Variants in RERG observed in about 807,000 individuals in gnomAD.
RERG encodes the protein RAS like estrogen regulated growth inhibitor, also known as ras-related and estrogen-regulated growth inhibitor.
RERG carries 25 observed loss-of-function variants against 23.2 expected under a neutral mutation model. The ratio of observed to expected loss-of-function variants is 1.08; its 90% CI spans 0.79 to 1.50. The LOEUF is 1.50. Among genes scored for constraint, RERG ranks in the 40% most tolerant of loss-of-function variants. The pLI, the probability that RERG is intolerant of heterozygous loss-of-function variation, is 0.00. For missense variants in RERG, 253 were observed against 250.1 expected, an observed-to-expected ratio of 1.01 and a Z score of -0.08; for synonymous variants, 81 against 89.1, an observed-to-expected ratio of 0.91 and a Z score of 0.51.
At chr12:15,188,964 A>G (rs1381722510) in intron 2 of RERG, among the ~76,000 whole-genome samples, 1 of 152,106 alleles carries the variant, frequency 6.6e-6, no homozygotes, top group Non-Finnish European at 1.5e-5. Flanking sequence ...GTCACCAAAA[A>G]ACACAAGGTG....
chr12:15,179,296 C>A (rs1244185796), intron 2 of RERG, among the ~76,000 whole-genome samples: 1 of 152,138 alleles, frequency 6.6e-6, no homozygotes, highest in African/African-American at 2.4e-5. Flanking sequence ...TCACTTTCTG[C>A]AATCTCAAAA....
intron 2 of RERG, among the ~76,000 whole-genome samples, chr12:15,173,409 C>T (rs1864803027): frequency 6.6e-6 from 1 of 151,826 alleles, no homozygotes; most frequent in Admixed American, 6.6e-5. Context: ...ATATGAGTGT[C>T]CAAGTTTGTT....
chr12:15,150,774 A>G (rs7131767), intron 2 of RERG, among the ~76,000 whole-genome samples: 65,938 of 151,984 alleles, frequency 0.43, 14,690 homozygotes, highest in Admixed American at 0.52. Flanking sequence ...CTGTTAAACA[A>G]CAGTTATTAC....
At position 15,202,720 on chromosome 12, in the gene RERG, C is replaced by T. The variant is rs1480731811; in HGVS notation, c.61+14709G>A. ...GGTCAGTAGGGACATGTGAATCATT[C>T]CCATAGCTTGGCTATTCTGAATAAT... is the stretch of plus-strand genomic sequence containing the variant. On this transcript the variant is annotated intron_variant, in intron 2 of 4. Transcript: ENST00000256953. Among the ~76,000 whole-genome samples the T allele has an allele frequency of 2.6e-5, 4 of 151,652 alleles. No homozygotes were observed. The South Asian group carries it at 6.2e-4, about 24-fold the overall frequency.
At position 15,217,587 on chromosome 12, in the gene RERG, T is replaced by C. The variant is rs971511891; in HGVS notation, c.-98A>G. 108 of 862,052 alleles carry C rather than the reference T, an allele frequency of 1.3e-4. 1 individual carries two copies. The Admixed American group carries it at 1.9e-3, about 15-fold the overall frequency. The allele number at this position is 862,052 out of a possible 1,614,324, so 53.4% of individuals were successfully genotyped here. ...GGATTCACCATATCATTGTGAATCTTGGAAGAGTCCACAATCCTTAAACAA... is the reference window on the plus strand; with the variant it reads ...GGATTCACCATATCATTGTGAATCTCGGAAGAGTCCACAATCCTTAAACAA... On this transcript the variant is annotated 5_prime_UTR_variant, in exon 2 of 5. Transcript: ENST00000256953.
chr12:15,128,388 T>C (rs1863985607), intron 2 of RERG, among the ~76,000 whole-genome samples: 2 of 152,194 alleles, frequency 1.3e-5, no homozygotes, highest in Non-Finnish European at 2.9e-5. Context: ...GCAAATGTTT[T>C]CTTATGAGTT....
chr12:15,202,294 G>C (rs1305328515), intron 2 of RERG, among the ~76,000 whole-genome samples: 1 of 151,696 alleles, frequency 6.6e-6, no homozygotes, highest in Non-Finnish European at 1.5e-5. Context: ...CTGTGTGTAT[G>C]TTAAGAACAC....
chr12:15,215,054 T>C (rs1865421699), intron 2 of RERG, among the ~76,000 whole-genome samples: 1 of 152,230 alleles, frequency 6.6e-6, no homozygotes, highest in Non-Finnish European at 1.5e-5. Context: ...TTGTTAAAGA[T>C]ATGTAGTCTG....
intron 2 of RERG, among the ~76,000 whole-genome samples, chr12:15,192,898 G>C (rs143573141): frequency 5.3e-4 from 81 of 152,260 alleles, no homozygotes; most frequent in Middle Eastern, 3.4e-3. Context: ...GAGAAGTGAC[G>C]TGCCCTTCTC....
At chr12:15,150,451 G>A (rs1412681397) in intron 2 of RERG, among the ~76,000 whole-genome samples, 5 of 152,160 alleles carry the variant, frequency 3.3e-5, no homozygotes, top group African/African-American at 1.2e-4. Flanking sequence ...ACCTGAAACA[G>A]GGATAAAGAA....
intron 2 of RERG, among the ~76,000 whole-genome samples, chr12:15,181,504 C>T (rs1168246019): frequency 6.6e-6 from 1 of 152,272 alleles, no homozygotes; most frequent in African/African-American, 2.4e-5. Flanking sequence ...GTTTCAAATC[C>T]TGGCCCTGCC....
chr12:15,200,872 T>C (rs1237656706), intron 2 of RERG, among the ~76,000 whole-genome samples: 1 of 151,944 alleles, frequency 6.6e-6, no homozygotes, highest in Non-Finnish European at 1.5e-5. Context: ...CCCTTTCCAC[T>C]GAGGATATTT....
chr12:15,218,389 A>T (rs561338003), intron 1 of RERG, among the ~76,000 whole-genome samples: 1 of 152,062 alleles, frequency 6.6e-6, no homozygotes, highest in Non-Finnish European at 1.5e-5. Context: ...GGAAACGTAA[A>T]TTTGGAAAGA....
At chr12:15,192,821 G>T (rs1278704542) in intron 2 of RERG, among the ~76,000 whole-genome samples, 2 of 152,146 alleles carry the variant, frequency 1.3e-5, no homozygotes, top group Non-Finnish European at 2.9e-5. Flanking sequence ...TTTGCAGAGT[G>T]TCTTTGATTT....
intron 2 of RERG, among the ~76,000 whole-genome samples, chr12:15,182,157 C>A (rs1864933082): frequency 6.7e-6 from 1 of 150,260 alleles, no homozygotes; most frequent in Non-Finnish European, 1.5e-5. Flanking sequence ...CTCTTAGGAT[C>A]AAGCAATTCC....
chr12:15,134,570 T>C (rs1864111307), intron 2 of RERG, among the ~76,000 whole-genome samples: 1 of 152,046 alleles, frequency 6.6e-6, no homozygotes, highest in Non-Finnish European at 1.5e-5. Context: ...TATTGTGTTA[T>C]CTATTCTGGA....
At position 15,191,985 on chromosome 12, in the gene RERG, T is replaced by A. The variant is rs1016033197; in HGVS notation, c.61+25444A>T. Among the ~76,000 whole-genome samples the A allele has an allele frequency of 5.5e-4, 83 of 152,074 alleles. 1 individual carries two copies. Among genetic ancestry groups the A allele is most frequent in the African/African-American group, 1.9e-3 (78 of 41,416 alleles). On this transcript the variant is annotated intron_variant, in intron 2 of 4. Coordinates refer to ENST00000256953, the MANE Select transcript of RERG (RefSeq NM_032918.3). ...ATGCCAAGTATCATGGTAAGCACTA[T>A]CTTGTCATTGTCCTGGATGCCTAAT...
intron 2 of RERG, among the ~76,000 whole-genome samples, chr12:15,125,951 T>G (rs1315888876): frequency 5.3e-5 from 8 of 151,396 alleles, no homozygotes; most frequent in African/African-American, 1.7e-4. Flanking sequence ...AAACTGAAGC[T>G]CAAGTTGTTT....
At position 15,129,425 on chromosome 12, in the gene RERG, C is replaced by A. The variant is rs547831866; in HGVS notation, c.62-8306G>T. ...ATGCAATAATTTTCAAATGCTTATC[C>A]ATTTTGATCTCCTATCAAATCTATC... On this transcript the variant is annotated intron_variant, in intron 2 of 4. Transcript: ENST00000256953. 4.6e-5 allele frequency among the ~76,000 whole-genome samples: 7 copies of A among 152,192 alleles called. 1 individual carries two copies. Among genetic ancestry groups the A allele is most frequent in the African/African-American group, 1.7e-4 (7 of 41,526 alleles).
Sources: gnomAD v4.1 joint callset for allele counts (sites outside exome capture counted in the v4.1 genomes callset) on GRCh38, gnomAD v4.1.1 for gene constraint, MANE v1.5 for transcripts, NCBI Gene and HGNC (gene_info 2026-07-23, HGNC 2026-07-21) for gene names.